Variants in GSDMC observed in about 807,000 individuals in gnomAD.
The protein encoded by GSDMC is gasdermin C.
In GSDMC, 59 loss-of-function variants were observed where a neutral mutation model predicts 58.0. That is an observed-to-expected ratio of 1.02 (90% CI 0.82 to 1.26). The LOEUF (loss-of-function observed/expected upper bound fraction) is 1.26. Among genes scored for constraint, GSDMC ranks in the 50% most tolerant of loss-of-function variants. The probability of loss-of-function intolerance (pLI) is 0.00; values close to 1 mark genes in which losing one functional copy is unlikely to be tolerated. For synonymous variants in GSDMC, 241 were observed against 220.2 expected (o/e 1.09, Z -0.83); for missense variants, 659 against 598.5 (o/e 1.10, Z -1.06).
chr8:129,715,092 T>A, the GSDMC span, among the ~76,000 whole-genome samples: 93 of 152,304 alleles, frequency 6.1e-4, 1 homozygote, highest in Admixed American at 4.3e-3. Flanking sequence ...GTGTGTATAT[T>A]GTAAAGCTCA....
At chr8:129,729,261 T>C in the GSDMC span, 66 of 622,576 alleles carry the variant, frequency 1.1e-4, no homozygotes, top group Admixed American at 8.3e-4. Context: ...CTTAGACATG[T>C]ATCTGCCAGT....
the GSDMC span, among the ~76,000 whole-genome samples, chr8:129,724,456 T>C: frequency 1.3e-5 from 2 of 152,192 alleles, no homozygotes; most frequent in African/African-American, 4.8e-5. Context: ...TAACAATTTG[T>C]TTGCAATAGA....
At chr8:129,712,479 T>C in the GSDMC span, among the ~76,000 whole-genome samples, 5 of 152,134 alleles carry the variant, frequency 3.3e-5, no homozygotes, top group South Asian at 1.0e-3. Flanking sequence ...GTCACAGGAA[T>C]ATAAAGCAGC....
rs149293328 is a variant in GSDMC at position 129,762,712 on chromosome 8, C to G, written c.590G>C (p.Ser197Thr). The change falls in exon 5 of 14, where the codon AGT becomes ACT. Residue 197 changes from serine (S) to threonine (T), a missense_variant. Transcript: ENST00000276708. ...CAGCGCCTTCTTCTTCACTCTGAGA[C>G]TCTCTCCTTGGCCTTGACCCTGGGG... ...TYGKGQGQGE[S>T]LRVKKKALTL... 2.5e-6 allele frequency: 4 copies of G among 1,613,256 alleles called. No individual in the cohort carries two copies. Among genetic ancestry groups the G allele is most frequent in the Non-Finnish European group, 3.4e-6 (4 of 1,179,172 alleles).
the GSDMC span, among the ~76,000 whole-genome samples, chr8:129,724,438 T>C: frequency 1.3e-5 from 2 of 152,176 alleles, no homozygotes; most frequent in African/African-American, 4.8e-5. Context: ...ACACAATAGA[T>C]AATACAATAA....
At chr8:129,757,608 AAAG>A (rs2033492330) in intron 6 of GSDMC, among the ~76,000 whole-genome samples, 1 of 152,190 alleles carries the variant, frequency 6.6e-6, no homozygotes, top group Admixed American at 6.5e-5. Flanking sequence ...AAAAAAGAAA[AAAG>A]AAACCCTATA....
At chr8:129,717,344 C>A in the GSDMC span, among the ~76,000 whole-genome samples, 13 of 148,396 alleles carry the variant, frequency 8.8e-5, no homozygotes, top group Non-Finnish European at 1.9e-4. Flanking sequence ...GGACTTCTTC[C>A]TGGTTTAGTC....
At chr8:129,738,779 T>G in the GSDMC span, among the ~76,000 whole-genome samples, 49,071 of 151,720 alleles carry the variant, frequency 0.32, 11,465 homozygotes, top group African/African-American at 0.65. Context: ...CGTTGTGCAC[T>G]TGTACCCTAG....
chr8:129,751,891 T>A lies in GSDMC; in HGVS notation c.887A>T (p.Lys296Ile). The A allele has an allele frequency of 6.2e-7, 1 of 1,613,120 alleles. No homozygotes were observed. The highest frequency in any genetic ancestry group is 8.5e-7 in the Non-Finnish European group (1 of 1,179,146). Residue 296 changes from lysine (K) to isoleucine (I), a missense_variant and splice_region_variant, in exon 9 of 14, where the codon AAA (lysine) becomes ATA (isoleucine). Physicochemically the swap from Lys to Ile is moderately radical, Grantham distance 102. Transcript: ENST00000276708. Reference sequence around the variant, plus strand: ...TGGGAGGATGTGAACTTGTTCGTATTCTAAAAAAAGAAATGAAATTCCTCA... The same window carrying A: ...TGGGAGGATGTGAACTTGTTCGTATACTAAAAAAAGAAATGAAATTCCTCA... Reference protein sequence around the residue: ...TQQFLSGHLPKYEQVHILPVG... With the variant: ...TQQFLSGHLPIYEQVHILPVG...
intron 4 of GSDMC, among the ~76,000 whole-genome samples, chr8:129,763,911 T>G (rs1222678178): frequency 6.6e-6 from 1 of 152,124 alleles, no homozygotes; most frequent in African/African-American, 2.4e-5. Flanking sequence ...TTCTCCTGTC[T>G]TTTTGCTTAC....
intron 4 of GSDMC, among the ~76,000 whole-genome samples, chr8:129,765,062 T>C (rs548375604): frequency 2.6e-5 from 4 of 152,320 alleles, no homozygotes; most frequent in South Asian, 2.1e-4. Context: ...TTATAACACA[T>C]ATAAACTTTA....
At chr8:129,761,148 G>A (rs1212185167) in intron 5 of GSDMC, among the ~76,000 whole-genome samples, 3 of 152,158 alleles carry the variant, frequency 2.0e-5, no homozygotes, top group Non-Finnish European at 2.9e-5. Flanking sequence ...TATGTCAGAC[G>A]CCTCACTGTA....
At chr8:129,733,395 GA>G in the GSDMC span, among the ~76,000 whole-genome samples, 1 of 152,226 alleles carries the variant, frequency 6.6e-6, no homozygotes, top group South Asian at 2.1e-4. Flanking sequence ...GCCTAACTGG[GA>G]GACACTTCCC....
At chr8:129,774,353 A>C (rs1159011268) in intron 3 of GSDMC, among the ~76,000 whole-genome samples, 2 of 152,162 alleles carry the variant, frequency 1.3e-5, no homozygotes, top group Non-Finnish European at 2.9e-5. Flanking sequence ...ACTCACATGC[A>C]AAAGACTGAA....
At chr8:129,708,840 C>T in the GSDMC span, among the ~76,000 whole-genome samples, 1 of 152,274 alleles carries the variant, frequency 6.6e-6, no homozygotes, top group East Asian at 1.9e-4. Flanking sequence ...CTCTCTGGTT[C>T]ACCAGCCAGA....
chr8:129,711,114 T>A, the GSDMC span, among the ~76,000 whole-genome samples: 1 of 152,226 alleles, frequency 6.6e-6, no homozygotes, highest in African/African-American at 2.4e-5. Flanking sequence ...CTGCTGGTGT[T>A]GGTGATGATG....
Position 129,777,367 on chromosome 8 carries a change from C to T in GSDMC, c.220+1G>A, listed in dbSNP as rs548064391. 4 of 1,593,682 alleles carry T rather than the reference C, an allele frequency of 2.5e-6. No individual in the cohort carries two copies. Among genetic ancestry groups the T allele is most frequent in the South Asian group, 2.2e-5 (2 of 90,626 alleles). ...CCTCCTTGGCCTCTGGCTGACAATA[C>T]CTAGGACTGAAGAACTTGGCTCCAG... is the stretch of plus-strand genomic sequence containing the variant. On this transcript the variant is annotated splice_donor_variant, in intron 2 of 13. Coordinates refer to ENST00000276708, the MANE Select transcript of GSDMC (RefSeq NM_031415.3). LOFTEE classifies it high-confidence loss of function.
the GSDMC span, chr8:129,730,586 T>A: frequency 6.9e-6 from 2 of 288,238 alleles, no homozygotes; most frequent in Non-Finnish European, 1.2e-5. Context: ...AAGTCATAGA[T>A]AATTTACACA....
the GSDMC span, among the ~76,000 whole-genome samples, chr8:129,734,651 TGCCCTAAAAGA>T: frequency 6.6e-6 from 1 of 151,904 alleles, no homozygotes; most frequent in African/African-American, 2.4e-5. Context: ...TCACCAGGCC[TGCCCTAAAAGA>T]GCACTAAACA....
Sources: gnomAD v4.1 joint callset for allele counts (sites outside exome capture counted in the v4.1 genomes callset) on GRCh38, gnomAD v4.1.1 for gene constraint, MANE v1.5 for transcripts, NCBI Gene and HGNC (gene_info 2026-07-23, HGNC 2026-07-21) for gene names.